TECPR2: variants seen among roughly 807,000 people sequenced by gnomAD.
TECPR2 encodes tectonin beta-propeller repeat-containing protein 2.
TECPR2 carries 65 observed loss-of-function variants against 138.1 expected under a neutral mutation model. The observed-to-expected ratio is 0.47, with a 90% CI of 0.39 to 0.58. The LOEUF (loss-of-function observed/expected upper bound fraction) is 0.58. Among genes scored for constraint, TECPR2 ranks in the 20% least tolerant of loss-of-function variants. The probability of loss-of-function intolerance (pLI) is 0.00; values close to 1 mark genes in which losing one functional copy is unlikely to be tolerated. For missense variants in TECPR2, 1,553 were observed against 1,824.5 expected (o/e 0.85, Z 2.71); for synonymous variants, 746 against 749.8 (o/e 0.99, Z 0.08).
chr14:102,385,910 T>C (rs1044514643), intron 2 of TECPR2, among the ~76,000 whole-genome samples: 2 of 151,198 alleles, frequency 1.3e-5, no homozygotes, highest in East Asian at 3.9e-4. Context: ...CACCCTAACC[T>C]GGGCATCAAA....
intron 7 of TECPR2, among the ~76,000 whole-genome samples, chr14:102,430,765 A>G (rs1306005199): frequency 2.0e-5 from 3 of 152,182 alleles, no homozygotes; most frequent in African/African-American, 4.8e-5. Context: ...TCTGCGGTCT[A>G]CTGGCCTTGA....
At chr14:102,438,471 C>T (rs1404732490) in intron 10 of TECPR2, 1 of 388,418 alleles carries the variant, frequency 2.6e-6, no homozygotes, top group African/African-American at 2.1e-5. Context: ...ATGGTAAGCT[C>T]TGATCGTATT....
At chr14:102,391,675 G>C (rs890097349) in intron 2 of TECPR2, among the ~76,000 whole-genome samples, 1 of 152,138 alleles carries the variant, frequency 6.6e-6, no homozygotes, top group Non-Finnish European at 1.5e-5. Flanking sequence ...TAACCAGCTG[G>C]CATCCTAAGC....
chr14:102,439,115 C>T (rs1434683922), intron 10 of TECPR2, among the ~76,000 whole-genome samples: 2 of 152,080 alleles, frequency 1.3e-5, no homozygotes, highest in Non-Finnish European at 2.9e-5. Flanking sequence ...CCGCCCGCCT[C>T]AGCCTCCCAA....
Position 102,434,989 on chromosome 14 carries a change from G to A in TECPR2, c.2172G>A (p.Gln724=), listed in dbSNP as rs1358533495. The A allele has an allele frequency of 1.2e-6, 2 of 1,614,116 alleles. No homozygotes were observed. The highest frequency in any genetic ancestry group is 2.2e-5 in the South Asian group (2 of 91,088). Residue 724 remains glutamine, a synonymous_variant, in exon 9 of 20, where the codon CAG becomes CAA. Coordinates refer to ENST00000359520, the MANE Select transcript of TECPR2 (RefSeq NM_014844.5). ...SERVLGSVGG[Q]LTPVSALAAS... Reference sequence around the variant, plus strand: ...GTGTCTTGGGGAGTGTGGGAGGACAGCTGACTCCGGTCTCTGCCTTGGCAG... The same window carrying A: ...GTGTCTTGGGGAGTGTGGGAGGACAACTGACTCCGGTCTCTGCCTTGGCAG...
Position 102,496,985 on chromosome 14 carries a change from G to A in TECPR2, c.3796G>A (p.Gly1266Arg), listed in dbSNP as rs765023807. 33 of 1,613,526 alleles carry A rather than the reference G, an allele frequency of 2.0e-5. No individual in the cohort carries two copies. Among genetic ancestry groups the A allele is most frequent in the Admixed American group, 6.7e-5 (4 of 59,914 alleles). Reference protein sequence around the residue: ...IMIEPPVQPAGVSLVSVHSSP... With the variant: ...IMIEPPVQPARVSLVSVHSSP... ...AGTCCCTTCCCGCTTCCAGCCCGCC[G>A]GGGTCAGCTTGGTCAGCGTCCATTC... The change falls in exon 18 of 20, where the codon GGG (glycine) becomes AGG (arginine). Residue 1266 changes from glycine (G) to arginine (R), a missense_variant. Gly to Arg is a moderately radical substitution (Grantham distance 125, BLOSUM62 -2). Coordinates refer to ENST00000359520, the MANE Select transcript of TECPR2 (RefSeq NM_014844.5).
Position 102,449,735 on chromosome 14 carries a change from T to C in TECPR2, c.3182T>C (p.Val1061Ala), listed in dbSNP as rs1567347217. The C allele has an allele frequency of 3.1e-6, 5 of 1,614,026 alleles. No homozygotes were observed. Among genetic ancestry groups the C allele is most frequent in the Non-Finnish European group, 4.2e-6 (5 of 1,180,048 alleles). The change falls in exon 14 of 20, where the codon GTG becomes GCG. Residue 1061 changes from valine (V) to alanine (A), a missense_variant. By Grantham distance (64) the Val-to-Ala change is moderately conservative. Coordinates refer to ENST00000359520, the MANE Select transcript of TECPR2 (RefSeq NM_014844.5). ...GCAGCCCAAGCCCCCGTAGAAAAGG[T>C]GGCAGATAAGCTGCGCATGGCGTTT... ...ATAAQAPVEK[V>A]ADKLRMAFWS...
At chr14:102,365,419 G>A (rs28413889) in intron 1 of TECPR2, among the ~76,000 whole-genome samples, 14,312 of 152,172 alleles carry the variant, frequency 0.094, 943 homozygotes, top group African/African-American at 0.2. Context: ...GGGAAGAGTG[G>A]AAAGGGACTT....
At chr14:102,367,994 C>CTTTTTTTTTTTTTT (rs56325877) in intron 1 of TECPR2, among the ~76,000 whole-genome samples, 1 of 65,806 alleles carries the variant, frequency 1.5e-5, no homozygotes, top group Non-Finnish European at 2.7e-5. Context: ...GCTTATTGGC[C>CTTTTTTTTTTTTTT]TTTTTTTTTT....
intron 4 of TECPR2, among the ~76,000 whole-genome samples, chr14:102,413,201 A>C (rs1014537109): frequency 1.1e-4 from 17 of 152,094 alleles, no homozygotes; most frequent in Admixed American, 2.6e-4. Context: ...TTGTATACCC[A>C]AAAAGGGACG....
At chr14:102,453,150 A>G (rs1227419439) in intron 16 of TECPR2, among the ~76,000 whole-genome samples, 1 of 152,138 alleles carries the variant, frequency 6.6e-6, no homozygotes, top group African/African-American at 2.4e-5. Flanking sequence ...TGAATCTTCT[A>G]TCAAAAGCCG....
chr14:102,453,412 G>A (rs1431938468), intron 16 of TECPR2, among the ~76,000 whole-genome samples: 4 of 151,960 alleles, frequency 2.6e-5, no homozygotes, highest in Admixed American at 6.6e-5. Context: ...CCCGGGAGGC[G>A]GGGGTTGCAG....
intron 16 of TECPR2, among the ~76,000 whole-genome samples, chr14:102,461,764 T>C (rs1180865073): frequency 6.6e-6 from 1 of 152,222 alleles, no homozygotes; most frequent in Admixed American, 6.5e-5. Context: ...CGGTTCCTTC[T>C]GCTCAGAGCC....
intron 5 of TECPR2, among the ~76,000 whole-genome samples, chr14:102,424,141 G>A (rs1889253620): frequency 6.6e-6 from 1 of 152,188 alleles, no homozygotes; most frequent in Non-Finnish European, 1.5e-5. Flanking sequence ...TTCCACCTGG[G>A]CTAAATGGTA....
At chr14:102,381,798 C>G (rs1215679966) in intron 2 of TECPR2, among the ~76,000 whole-genome samples, 3 of 152,114 alleles carry the variant, frequency 2.0e-5, no homozygotes, top group African/African-American at 4.8e-5. Context: ...GTAATAAATA[C>G]AATAGATGAT....
At chr14:102,449,231 C>A (rs539746081) in intron 13 of TECPR2, among the ~76,000 whole-genome samples, 21 of 152,328 alleles carry the variant, frequency 1.4e-4, no homozygotes, top group African/African-American at 4.8e-4. Flanking sequence ...GATGCCAGAG[C>A]AAGACTGTCT....
At chr14:102,406,778 T>C (rs1443992928) in intron 2 of TECPR2, among the ~76,000 whole-genome samples, 2 of 152,170 alleles carry the variant, frequency 1.3e-5, no homozygotes, top group African/African-American at 2.4e-5. Context: ...CGCTTGAGCC[T>C]GGGAGGTTGA....
intron 4 of TECPR2, among the ~76,000 whole-genome samples, chr14:102,408,823 T>C (rs1295039455): frequency 2.0e-5 from 3 of 152,254 alleles, no homozygotes; most frequent in African/African-American, 7.2e-5. Flanking sequence ...ACTGGAACAT[T>C]CACTTTTTTC....
At chr14:102,402,252 G>A (rs967688836) in intron 2 of TECPR2, among the ~76,000 whole-genome samples, 1 of 152,068 alleles carries the variant, frequency 6.6e-6, no homozygotes, top group Non-Finnish European at 1.5e-5. Context: ...AGGAAAATTG[G>A]AGAATCCACA....
Sources: gnomAD v4.1 joint callset for allele counts (sites outside exome capture counted in the v4.1 genomes callset) on GRCh38, gnomAD v4.1.1 for gene constraint, MANE v1.5 for transcripts, NCBI Gene and HGNC (gene_info 2026-07-23, HGNC 2026-07-21) for gene names.